Variants in LPL observed in about 807,000 individuals in gnomAD.
LPL encodes the protein lipoprotein lipase, also known as phospholipase A1.
Under a neutral mutation model 52.2 loss-of-function variants are expected in LPL, and 43 were observed. That is an observed-to-expected ratio of 0.82 (90% CI 0.64 to 1.06). The LOEUF (loss-of-function observed/expected upper bound fraction) is 1.06. Among genes scored for constraint, LPL ranks in the 50% least tolerant of loss-of-function variants. The pLI is 0.00. For missense variants in LPL, 639 were observed against 585.3 expected (o/e 1.09, Z -0.95); for synonymous variants, 244 against 215.6 (o/e 1.13, Z -1.15).
intron 1 of LPL, chr8:19,946,649 G>A (rs535072824): frequency 6.0e-5 from 11 of 183,862 alleles, no homozygotes; most frequent in East Asian, 1.7e-4. Context: ...CTGAAATTTC[G>A]AACGGCAAAA....
At chr8:19,942,868 C>CTA (rs199793456) in intron 1 of LPL, among the ~76,000 whole-genome samples, 47 of 152,152 alleles carry the variant, frequency 3.1e-4, no homozygotes, top group Admixed American at 7.9e-4. Context: ...ATCTTAGGTG[C>CTA]TATATATATA....
intron 9 of LPL, among the ~76,000 whole-genome samples, chr8:19,964,028 C>T (rs2070064012): frequency 6.6e-6 from 1 of 152,040 alleles, no homozygotes; most frequent in Admixed American, 6.6e-5. Context: ...TCTCAGCTCA[C>T]TGCAACCTCC....
At chr8:19,962,337 G>GCAT (rs1196799120) in intron 9 of LPL, 118 bp downstream of exon 9, 83 of 768,054 alleles carry the variant, frequency 1.1e-4, no homozygotes, top group Non-Finnish European at 1.8e-4. Flanking sequence ...TGTGATCAAA[G>GCAT]CATTCAATCA....
intron 7 of LPL, 48 bp downstream of exon 7, chr8:19,959,428 C>A: frequency 6.2e-7 from 1 of 1,611,974 alleles, no homozygotes; most frequent in Non-Finnish European, 8.5e-7. Flanking sequence ...CCCTCTCCTG[C>A]CATAACCCTT....
At chr8:19,955,437 T>C (rs2128838415) in intron 5 of LPL, among the ~76,000 whole-genome samples, 1 of 152,302 alleles carries the variant, frequency 6.6e-6, no homozygotes, top group Middle Eastern at 3.4e-3. Flanking sequence ...CTTACAGTAT[T>C]TTTGACTTAT....
chr8:19,963,677 G>A (rs549294669), intron 9 of LPL, among the ~76,000 whole-genome samples: 7 of 151,562 alleles, frequency 4.6e-5, no homozygotes, highest in African/African-American at 9.7e-5. Flanking sequence ...TATGTTTTTC[G>A]TCCTTTACAA....
Position 19,953,360 on chromosome 8 carries a change from T to C in LPL, c.480T>C (p.Leu160=), listed in dbSNP as rs774826283. ...LDNVHLLGYS[L]GAHAAGIAGS... ...ATGTCCATCTCTTGGGATACAGCCT[T>C]GGAGCCCATGCTGCTGGCATTGCAG... is the stretch of plus-strand genomic sequence containing the variant. Residue 160 remains leucine (L), a synonymous_variant, in exon 4 of 10, where the codon CTT becomes CTC. Coordinates refer to ENST00000650287, the MANE Select transcript of LPL (RefSeq NM_000237.3). 3 of 1,614,084 alleles carry C rather than the reference T, an allele frequency of 1.9e-6. No individual in the cohort carries two copies.
intron 2 of LPL, 136 bp downstream of exon 2, chr8:19,948,476 T>C (rs1451336987): frequency 1.9e-6 from 2 of 1,063,614 alleles, no homozygotes; most frequent in East Asian, 5.1e-5. Flanking sequence ...ATAAAGACAG[T>C]TCTGGCTCAG....
intron 2 of LPL, 65 bp downstream of exon 2, chr8:19,948,405 T>C: frequency 6.3e-7 from 1 of 1,588,808 alleles, no homozygotes; most frequent in Non-Finnish European, 8.6e-7. Context: ...GCCTGCCCAA[T>C]TGTTGGGGAC....
chr8:19,951,986 G>C (rs376728125), intron 3 of LPL, 38 bp downstream of exon 3: 2 of 1,609,838 alleles, frequency 1.2e-6, no homozygotes, highest in African/African-American at 1.3e-5. Flanking sequence ...GTCCAAAACA[G>C]TGTTTTTGAC....
At chr8:19,961,987 T>C (rs1437322916) in intron 8 of LPL, 128 bp from the exon 9 acceptor site, 2 of 726,546 alleles carry the variant, frequency 2.8e-6, no homozygotes, top group Non-Finnish European at 5.0e-6. Context: ...CAGTTAATTA[T>C]TGGGAATATC....
At chr8:19,960,232 A>C (rs1243659773) in intron 7 of LPL, among the ~76,000 whole-genome samples, 1 of 152,266 alleles carries the variant, frequency 6.6e-6, no homozygotes, top group Non-Finnish European at 1.5e-5. Context: ...ATTCACGGCT[A>C]GAACCCTCCA....
intron 5 of LPL, 139 bp from the exon 6 acceptor site, chr8:19,955,702 T>G: frequency 8.8e-7 from 1 of 1,141,802 alleles, no homozygotes; most frequent in Non-Finnish European, 1.3e-6. Context: ...AAATAGGGCC[T>G]ACAATCATAA....
intron 3 of LPL, among the ~76,000 whole-genome samples, chr8:19,952,210 T>A (rs573667530): frequency 6.6e-6 from 1 of 152,160 alleles, no homozygotes; most frequent in South Asian, 2.1e-4. Context: ...AATAACTAAG[T>A]GGGCCCAACA....
rs2070078676 is a variant in LPL at position 19,965,581 on chromosome 8, T to C, written c.*271T>C. The C allele has an allele frequency of 2.3e-6, 1 of 443,188 alleles. No homozygotes were observed. The highest frequency in any genetic ancestry group is 2.0e-5 in the African/African-American group (1 of 50,468). 27.5% of individuals were successfully genotyped at this position (443,188 alleles called of 1,614,324 possible). On this transcript the variant is annotated 3_prime_UTR_variant, in exon 10 of 10. Transcript: ENST00000650287. ...GATCATGAAAAGTGCTGTTTTGTCCTTTGAGAAAGAAATAATTGTTTGAGC... is the reference window on the plus strand; with the variant it reads ...GATCATGAAAAGTGCTGTTTTGTCCCTTGAGAAAGAAATAATTGTTTGAGC...
At chr8:19,965,230 T>C in intron 9 of LPL, 80 bp from the exon 10 acceptor site, 1 of 774,086 alleles carries the variant, frequency 1.3e-6, no homozygotes, top group Non-Finnish European at 2.4e-6. Flanking sequence ...TTTTCCATCC[T>C]AAAACCAGTG....
intron 1 of LPL, among the ~76,000 whole-genome samples, chr8:19,940,417 G>A (rs1182045310): frequency 6.6e-6 from 1 of 152,180 alleles, no homozygotes; most frequent in East Asian, 1.9e-4. Context: ...GGGGTTGACG[G>A]GCGCCGCGTG....
chr8:19,939,521 C>A lies in LPL; in HGVS notation c.81C>A (p.Ala27=), dbSNP rs764871141. 86 of 1,607,600 alleles carry A rather than the reference C, an allele frequency of 5.3e-5. No homozygotes were observed. Among genetic ancestry groups the A allele is most frequent in the Non-Finnish European group, 7.0e-5 (82 of 1,177,842 alleles). The change falls in exon 1 of 10, where the codon GCC becomes GCA. Residue 27 remains alanine, a synonymous_variant. Transcript: ENST00000650287. This position sits in a 1 kb window ranked among gnomAD's most constrained non-coding sequence, Gnocchi z 4.0. ...CCGCCTCCCGCGGAGGGGTGGCCGC[C>A]GCCGACCGTAAGTTTTGCGCGCAAA... ...SLTASRGGVA[A]ADQRRDFIDI... is the part of the protein sequence containing the mutation.
At chr8:19,951,013 G>A (rs1348137279) in intron 2 of LPL, among the ~76,000 whole-genome samples, 1 of 152,076 alleles carries the variant, frequency 6.6e-6, no homozygotes, top group African/African-American at 2.4e-5. Flanking sequence ...GAGGCCTAGA[G>A]TAAACCCGAT....
Sources: gnomAD v4.1 joint callset for allele counts (sites outside exome capture counted in the v4.1 genomes callset) on GRCh38, gnomAD v4.1.1 for gene constraint, Gnocchi (gnomAD v3.1) non-coding constraint, MANE v1.5 for transcripts, NCBI Gene and HGNC (gene_info 2026-07-23, HGNC 2026-07-21) for gene names.